Variants in ADAMTSL3 observed in about 807,000 individuals in gnomAD.
ADAMTSL3 encodes ADAMTS like 3, also known as ADAMTS-like protein 3.
A neutral mutation model predicts 201.7 loss-of-function variants in ADAMTSL3; 128 were observed. That is an observed-to-expected ratio of 0.63 (90% CI 0.55 to 0.73). ADAMTSL3 has a LOEUF of 0.73. Among genes scored for constraint, ADAMTSL3 ranks in the 30% least tolerant of loss-of-function variants. The probability of loss-of-function intolerance (pLI) is 0.00; values close to 1 mark genes in which losing one functional copy is unlikely to be tolerated. For synonymous variants in ADAMTSL3, 738 were observed against 748.4 expected (o/e 0.99, Z 0.23); for missense variants, 1,990 against 2,119.6 (o/e 0.94, Z 1.20).
chr15:83,857,704 T>G (rs1421894464), intron 7 of ADAMTSL3, among the ~76,000 whole-genome samples: 1 of 152,222 alleles, frequency 6.6e-6, no homozygotes, highest in Non-Finnish European at 1.5e-5. Flanking sequence ...TTTTCTAATT[T>G]TTAATAATAA....
chr15:83,801,637 A>AATATATATATAAATAT (rs1212487067), intron 4 of ADAMTSL3, among the ~76,000 whole-genome samples: 22 of 53,328 alleles, frequency 4.1e-4, no homozygotes, highest in Admixed American at 8.1e-4. Flanking sequence ...TATATATATA[A>AATATATATATAAATAT]ATATATAAAT....
intron 2 of ADAMTSL3, among the ~76,000 whole-genome samples, chr15:83,661,493 T>G (rs2061163258): frequency 6.6e-6 from 1 of 152,102 alleles, no homozygotes; most frequent in South Asian, 2.1e-4. Flanking sequence ...GAAGAGGTCC[T>G]TCACATCCCT....
chr15:83,880,842 C>A (rs2065255472), intron 9 of ADAMTSL3, among the ~76,000 whole-genome samples: 1 of 152,160 alleles, frequency 6.6e-6, no homozygotes, highest in Admixed American at 6.6e-5. Context: ...TAATGGTGTA[C>A]TTAAGTTTTT....
At chr15:83,716,148 G>T (rs1465993233) in intron 3 of ADAMTSL3, among the ~76,000 whole-genome samples, 1 of 152,184 alleles carries the variant, frequency 6.6e-6, no homozygotes, top group Non-Finnish European at 1.5e-5. Flanking sequence ...ACTTCCAGGA[G>T]TGACAAGACT....
At chr15:83,836,046 C>G (rs2064262867) in intron 6 of ADAMTSL3, among the ~76,000 whole-genome samples, 1 of 152,096 alleles carries the variant, frequency 6.6e-6, no homozygotes, top group African/African-American at 2.4e-5. Context: ...ATAATGTGTA[C>G]AATATTCATG....
At chr15:83,830,415 A>G (rs779335773) in intron 6 of ADAMTSL3, among the ~76,000 whole-genome samples, 1 of 152,200 alleles carries the variant, frequency 6.6e-6, no homozygotes, top group Non-Finnish European at 1.5e-5. Context: ...AGCTTTCTAT[A>G]TAGTAGCGAG....
At chr15:83,909,416 A>T (rs1466309892) in intron 15 of ADAMTSL3, among the ~76,000 whole-genome samples, 1 of 151,984 alleles carries the variant, frequency 6.6e-6, no homozygotes, top group African/African-American at 2.4e-5. Flanking sequence ...CACTTTTTTC[A>T]TATTTTATTT....
At position 83,880,205 on chromosome 15, in the gene ADAMTSL3, T is replaced by C. The variant is rs141089584; in HGVS notation, c.961-4896T>C. Among the ~76,000 whole-genome samples, 303 of 152,214 alleles carry C rather than the reference T, an allele frequency of 2.0e-3. 1 individual carries two copies. Among genetic ancestry groups the C allele is most frequent in the Middle Eastern group, 3.4e-3 (1 of 294 alleles). On this transcript the variant is annotated intron_variant, in intron 9 of 29. Coordinates refer to ENST00000286744, the MANE Select transcript of ADAMTSL3 (RefSeq NM_207517.3). ...TTGACAGATTCTCATTTATTATCTC[T>C]TCAGATTAACTTCTGTCCCAAGCTC...
chr15:83,811,833 C>G (rs1392248846), intron 5 of ADAMTSL3, among the ~76,000 whole-genome samples: 2 of 152,130 alleles, frequency 1.3e-5, no homozygotes, highest in African/African-American at 4.8e-5. Context: ...CTCAGAATTT[C>G]CAACAAAATT....
chr15:83,789,065 C>A (rs2063306317), intron 4 of ADAMTSL3, among the ~76,000 whole-genome samples: 1 of 152,210 alleles, frequency 6.6e-6, no homozygotes, highest in Non-Finnish European at 1.5e-5. Context: ...CCAGCCTCAG[C>A]CTCCCAAAGT....
chr15:83,794,386 C>T (rs1224394411), intron 4 of ADAMTSL3, among the ~76,000 whole-genome samples: 2 of 152,118 alleles, frequency 1.3e-5, no homozygotes, highest in Non-Finnish European at 2.9e-5. Flanking sequence ...CTCACAGTGG[C>T]CAAAAGGTGG....
chr15:83,843,051 C>G (rs963587296), intron 7 of ADAMTSL3, among the ~76,000 whole-genome samples: 1 of 152,158 alleles, frequency 6.6e-6, no homozygotes, highest in East Asian at 1.9e-4. Flanking sequence ...TATTCTCTCT[C>G]TCTCTGTCTC....
chr15:83,871,688 G>A (rs2065083466), intron 9 of ADAMTSL3, among the ~76,000 whole-genome samples: 1 of 152,134 alleles, frequency 6.6e-6, no homozygotes, highest in Non-Finnish European at 1.5e-5. Context: ...TACTGCTGGG[G>A]CATCTTCCCT....
At chr15:83,680,253 C>T (rs2061459374) in intron 2 of ADAMTSL3, among the ~76,000 whole-genome samples, 1 of 151,952 alleles carries the variant, frequency 6.6e-6, no homozygotes, top group Non-Finnish European at 1.5e-5. Flanking sequence ...CCCAGTGAAC[C>T]CACCACTATA....
intron 9 of ADAMTSL3, among the ~76,000 whole-genome samples, chr15:83,884,828 T>A (rs972439498): frequency 2.6e-5 from 4 of 152,090 alleles, no homozygotes; most frequent in African/African-American, 9.7e-5. Context: ...AACAAAAAAG[T>A]CTACCTACAT....
At chr15:83,772,524 C>T (rs1344544682) in intron 3 of ADAMTSL3, among the ~76,000 whole-genome samples, 1 of 152,112 alleles carries the variant, frequency 6.6e-6, no homozygotes, top group African/African-American at 2.4e-5. Context: ...TCATAATTGA[C>T]TCTTCCCTAT....
chr15:83,727,410 C>G (rs962629686), intron 3 of ADAMTSL3, among the ~76,000 whole-genome samples: 1 of 150,842 alleles, frequency 6.6e-6, no homozygotes, highest in Admixed American at 6.6e-5. Context: ...GTTTATTATT[C>G]CATTTCTTCT....
At chr15:83,837,792 ATCTTG>A (rs1319183672) in intron 6 of ADAMTSL3, among the ~76,000 whole-genome samples, 3 of 148,378 alleles carry the variant, frequency 2.0e-5, no homozygotes, top group Non-Finnish European at 4.5e-5. Context: ...ACAGAGTGAG[ATCTTG>A]TCTTGAAAAA....
At chr15:83,837,949 A>G in intron 6 of ADAMTSL3, 140 bp from the exon 7 acceptor site, 1 of 984,580 alleles carries the variant, frequency 1.0e-6, no homozygotes, top group Non-Finnish European at 1.4e-6. Context: ...TATATTATTT[A>G]GATTTATAAA....
Sources: allele counts gnomAD v4.1 joint callset (sites outside exome capture counted in the v4.1 genomes callset), GRCh38; gene constraint gnomAD v4.1.1; transcripts MANE v1.5; gene names NCBI Gene and HGNC (gene_info 2026-07-23, HGNC 2026-07-21).